The following KMT2C variants were observed in gnomAD, a reference collection of about 807,000 sequenced individuals.
The protein encoded by KMT2C is lysine methyltransferase 2C, also known as histone-lysine N-methyltransferase 2C.
KMT2C carries 88 observed loss-of-function variants against 507.9 expected under a neutral mutation model. That is an observed-to-expected ratio of 0.17 (90% CI 0.15 to 0.21). KMT2C has a LOEUF of 0.21. KMT2C is among the 10% of genes least tolerant of loss of function. The pLI is 1.00. For missense variants in KMT2C, 4,954 were observed against 5,957.8 expected (o/e 0.83, Z 5.55); for synonymous variants, 2,049 against 2,080.8 (o/e 0.98, Z 0.42).
intron 1 of KMT2C, among the ~76,000 whole-genome samples, chr7:152,432,879 G>A (rs1198036327): frequency 7.2e-5 from 11 of 152,052 alleles, no homozygotes; most frequent in Non-Finnish European, 1.6e-4. Flanking sequence ...GGGTGCGGTG[G>A]CTCACGCCTG....
At position 152,138,724 on chromosome 7, in the gene KMT2C, G is replaced by T; in HGVS notation, c.14643+72C>A. Reference sequence around the variant, plus strand: ...AGAATTGGGAAACAAGTGAGTAAGTGACCTGTGTGAGGAGGGAACTATTCG... The same window carrying T: ...AGAATTGGGAAACAAGTGAGTAAGTTACCTGTGTGAGGAGGGAACTATTCG... On this transcript the variant is annotated intron_variant, in intron 58 of 58. Transcript: ENST00000262189. The surrounding 1 kb of genome is among the most constrained non-coding windows in gnomAD (Gnocchi z 4.2). 1 of 903,438 alleles carries T rather than the reference G, an allele frequency of 1.1e-6. No individual in the cohort carries two copies. Among genetic ancestry groups the T allele is most frequent in the Non-Finnish European group, 1.7e-6 (1 of 574,250 alleles). 56.0% of individuals were successfully genotyped at this position (903,438 alleles called of 1,614,324 possible). A position where few individuals can be genotyped will look rare whatever the true frequency, so the allele number is the denominator to read the frequency against.
At chr7:152,157,469 T>C (rs2092144296) in intron 44 of KMT2C, among the ~76,000 whole-genome samples, 1 of 152,218 alleles carries the variant, frequency 6.6e-6, no homozygotes, top group African/African-American at 2.4e-5. Flanking sequence ...ACAATGATTT[T>C]TGAATTCATT....
At chr7:152,253,405 T>C (rs2095592941) in intron 9 of KMT2C, among the ~76,000 whole-genome samples, 1 of 147,328 alleles carries the variant, frequency 6.8e-6, no homozygotes, top group African/African-American at 2.5e-5. Flanking sequence ...CCTGGTGTGA[T>C]GGTTGATGCC....
At chr7:152,188,613 T>C (rs938768478) in intron 31 of KMT2C, among the ~76,000 whole-genome samples, 3 of 132,038 alleles carry the variant, frequency 2.3e-5, no homozygotes, top group African/African-American at 3.4e-5. Context: ...TCCTTTTTTT[T>C]TTTTTTTTTT....
chr7:152,295,875 G>A (rs1240330462), intron 6 of KMT2C, among the ~76,000 whole-genome samples: 1 of 151,504 alleles, frequency 6.6e-6, no homozygotes, highest in Non-Finnish European at 1.5e-5. Flanking sequence ...GACCATCCTA[G>A]CTAACACGGT....
intron 25 of KMT2C, 94 bp downstream of exon 25, chr7:152,205,012 C>T (rs2094261422): frequency 1.4e-6 from 1 of 736,992 alleles, no homozygotes; most frequent in African/African-American, 1.8e-5. Context: ...CTCTTATTGA[C>T]TGTAACATTA....
chr7:152,231,254 A>G, intron 16 of KMT2C, among the ~76,000 whole-genome samples: 1 of 152,232 alleles, frequency 6.6e-6, no homozygotes, highest in Non-Finnish European at 1.5e-5. Context: ...TAAATCAACT[A>G]AGTACCCACT....
chr7:152,147,827 G>C (rs185241694), intron 52 of KMT2C, among the ~76,000 whole-genome samples: 41 of 151,684 alleles, frequency 2.7e-4, no homozygotes, highest in African/African-American at 9.9e-4. Context: ...TATGTTCAAA[G>C]ATATATTGAT....
intron 16 of KMT2C, among the ~76,000 whole-genome samples, chr7:152,232,329 A>G (rs1029579522): frequency 1.3e-5 from 2 of 152,254 alleles, no homozygotes; most frequent in Non-Finnish European, 2.9e-5. Flanking sequence ...AAATTACGCA[A>G]CATTTTAAAA....
intron 5 of KMT2C, among the ~76,000 whole-genome samples, chr7:152,311,222 C>T (rs2096668889): frequency 6.6e-6 from 1 of 152,096 alleles, no homozygotes; most frequent in Non-Finnish European, 1.5e-5. Flanking sequence ...ACTACACATA[C>T]ACCTCTACTT....
intron 55 of KMT2C, among the ~76,000 whole-genome samples, chr7:152,140,055 G>C (rs894426341): frequency 6.6e-6 from 1 of 152,138 alleles, no homozygotes; most frequent in East Asian, 1.9e-4. Flanking sequence ...ACTGTGGCTT[G>C]GCTGTCTTAT....
chr7:152,172,353 A>G (rs1370928101), intron 39 of KMT2C, among the ~76,000 whole-genome samples: 1 of 152,186 alleles, frequency 6.6e-6, no homozygotes, highest in Non-Finnish European at 1.5e-5. Context: ...GCATGATGCT[A>G]AAAGAGCATC....
At chr7:152,309,945 A>G (rs1356283839) in intron 6 of KMT2C, 21 bp downstream of exon 6, 4 of 1,393,836 alleles carry the variant, frequency 2.9e-6, no homozygotes, top group Non-Finnish European at 4.1e-6. Context: ...TATGATTTAA[A>G]TATTTGCTTT....
At chr7:152,392,794 C>A (rs1217497707) in intron 1 of KMT2C, among the ~76,000 whole-genome samples, 2 of 152,256 alleles carry the variant, frequency 1.3e-5, no homozygotes, top group Non-Finnish European at 1.5e-5. Context: ...CCAAAAAACA[C>A]TGCTTCACAT....
At chr7:152,307,703 C>G (rs1270020219) in intron 6 of KMT2C, among the ~76,000 whole-genome samples, 1 of 152,168 alleles carries the variant, frequency 6.6e-6, no homozygotes. Context: ...AATTATTAAT[C>G]AGTAAGAACA....
chr7:152,372,563 A>G (rs2097300513), intron 1 of KMT2C, among the ~76,000 whole-genome samples: 2 of 152,216 alleles, frequency 1.3e-5, no homozygotes, highest in African/African-American at 2.4e-5. Context: ...GATATTCCAC[A>G]CACATGTTAA....
intron 1 of KMT2C, among the ~76,000 whole-genome samples, chr7:152,374,884 C>CA (rs71198779): frequency 0.16 from 12,260 of 77,304 alleles, 965 homozygotes; most frequent in African/African-American, 0.28. Flanking sequence ...CTCTGTCTCT[C>CA]AAAAAAAAAA....
At position 152,176,121 on chromosome 7, in the gene KMT2C, T is replaced by C. The variant is rs969437677; in HGVS notation, c.9262+70A>G. On this transcript the variant is annotated intron_variant, in intron 38 of 58. Transcript: ENST00000262189. ...TCCAACTGTAATTCTAATAATAAAA[T>C]CTTATAAGCATATCGCATGCCACTC... The C allele has an allele frequency of 4.1e-5, 55 of 1,336,872 alleles. 1 individual carries two copies. The Middle Eastern group carries it at 5.7e-4, about 14-fold the overall frequency. The allele number at this position is 1,336,872 out of a possible 1,614,324, so 82.8% of individuals were successfully genotyped here.
rs547471444 is a variant in KMT2C at position 152,360,518 on chromosome 7, A to G, written c.162-1843T>C. Among the ~76,000 whole-genome samples the G allele has an allele frequency of 2.2e-4, 34 of 151,220 alleles. 2 individuals carry two copies. Among genetic ancestry groups the G allele is most frequent in the African/African-American group, 7.8e-4 (32 of 41,170 alleles). ...AACCAACCTAAACCATGAAGGAGCT[A>G]TAACATAATAATATATTAAAAATTA... On this transcript the variant is annotated intron_variant, in intron 1 of 58. Transcript: ENST00000262189.
Sources: allele counts gnomAD v4.1 joint callset (sites outside exome capture counted in the v4.1 genomes callset), GRCh38; gene constraint gnomAD v4.1.1; non-coding constraint Gnocchi (gnomAD v3.1); transcripts MANE v1.5; gene names NCBI Gene and HGNC (gene_info 2026-07-23, HGNC 2026-07-21).